Variants in PRPF39 observed in about 807,000 individuals in gnomAD.
PRPF39 encodes the protein pre-mRNA processing factor 39.
A neutral mutation model predicts 82.1 loss-of-function variants in PRPF39; 27 were observed. The observed-to-expected ratio is 0.33, with a 90% CI of 0.24 to 0.45. The LOEUF (loss-of-function observed/expected upper bound fraction) is 0.45, where lower values mean the gene tolerates loss of function less well. PRPF39 is among the 20% of genes least tolerant of loss of function. PRPF39 has a pLI of 1.00. For synonymous variants in PRPF39, 261 were observed against 256.4 expected, an observed-to-expected ratio of 1.02 and a Z score of -0.17; for missense variants, 581 against 796.9, an observed-to-expected ratio of 0.73 and a Z score of 3.26.
chr14:45,108,400 CT>C lies in PRPF39; in HGVS notation c.904-10del. The C allele has an allele frequency of 1.9e-6, 3 of 1,555,368 alleles. No homozygotes were observed. Among genetic ancestry groups the C allele is most frequent in the Non-Finnish European group, 2.6e-6 (3 of 1,159,110 alleles). On this transcript the variant is annotated splice_polypyrimidine_tract_variant and intron_variant, in intron 6 of 13. Transcript: ENST00000355765. ...CAGTTTGTGAGATTTATTTTTTTCC[CT>C]TTTTCTTCCCAAGCTAATTACAGAA...
At position 45,110,158 on chromosome 14, in the gene PRPF39, C is replaced by G; in HGVS notation, c.1241C>G (p.Thr414Ser). Residue 414 changes from threonine to serine, a missense_variant, in exon 9 of 14, where the codon ACT becomes AGT. Transcript: ENST00000355765. This position sits in a 1 kb window ranked among gnomAD's most constrained non-coding sequence, Gnocchi z 4.0. ...AGGCATGTCTTCAGCAGAGCTTGTA[C>G]TATACATCTCCCAAAGAAACCCATG... Reference protein sequence around the residue: ...GVRHVFSRACTIHLPKKPMVH... With the variant: ...GVRHVFSRACSIHLPKKPMVH... The G allele has an allele frequency of 6.2e-7, 1 of 1,613,580 alleles. No homozygotes were observed. Among genetic ancestry groups the G allele is most frequent in the South Asian group, 1.1e-5 (1 of 91,062 alleles).
chr14:45,110,296 A>G lies in PRPF39; in HGVS notation c.1303+76A>G. Reference sequence around the variant, plus strand: ...GGAAACAGTGACAAATTGAGTGGTAAGGGATGGTGTAAAGCAGAGTTTGGC... The same window carrying G: ...GGAAACAGTGACAAATTGAGTGGTAGGGGATGGTGTAAAGCAGAGTTTGGC... On this transcript the variant is annotated intron_variant, in intron 9 of 13. Transcript: ENST00000355765. This position sits in a 1 kb window ranked among gnomAD's most constrained non-coding sequence, Gnocchi z 4.0. The G allele has an allele frequency of 6.4e-6, 10 of 1,571,818 alleles. No homozygotes were observed. The highest frequency in any genetic ancestry group is 8.7e-6 in the Non-Finnish European group (10 of 1,151,228).
intron 5 of PRPF39, among the ~76,000 whole-genome samples, chr14:45,103,119 A>T (rs1345723195): frequency 6.6e-6 from 1 of 152,166 alleles, no homozygotes; most frequent in Admixed American, 6.5e-5. Context: ...TTGCTATAAC[A>T]CCTTATATCC....
At chr14:45,096,748 C>A in intron 3 of PRPF39, 139 bp from the exon 4 acceptor site, 1 of 1,535,450 alleles carries the variant, frequency 6.5e-7, no homozygotes, top group Non-Finnish European at 8.7e-7. Flanking sequence ...TATCCAACCT[C>A]CACCCAAATG....
intron 1 of PRPF39, among the ~76,000 whole-genome samples, chr14:45,092,368 C>T (rs892047216): frequency 3.9e-5 from 6 of 151,928 alleles, no homozygotes; most frequent in South Asian, 4.1e-4. Flanking sequence ...TTTGGGAGGC[C>T]GAGGCAGGCG....
rs1261385773 is a variant in PRPF39 at position 45,090,898 on chromosome 14, CAT to C, written c.-19-4322_-19-4321del. On this transcript the variant is annotated intron_variant, in intron 1 of 13. Coordinates refer to ENST00000355765, the MANE Select transcript of PRPF39 (RefSeq NM_017922.4). ...TTTTTGTCCCCTTCCCCCATCCCCA[CAT>C]GTCCCATTTTTTCCTTTCAAATTTT... is the stretch of plus-strand genomic sequence containing the variant. Among the ~76,000 whole-genome samples the C allele has an allele frequency of 9.2e-5, 14 of 152,292 alleles. No individual in the cohort carries two copies. In the East Asian group the frequency reaches 2.5e-3, roughly 27 times the overall value.
At chr14:45,104,363 A>T (rs1884462066) in intron 5 of PRPF39, among the ~76,000 whole-genome samples, 1 of 152,070 alleles carries the variant, frequency 6.6e-6, no homozygotes, top group Non-Finnish European at 1.5e-5. Context: ...AGTAATCTTT[A>T]TGCAGTTCTT....
chr14:45,086,544 T>A (rs956984654), intron 1 of PRPF39, among the ~76,000 whole-genome samples: 1 of 152,156 alleles, frequency 6.6e-6, no homozygotes, highest in Admixed American at 6.5e-5. Context: ...GGGGAACAGC[T>A]TTTGTCAAGG....
rs1405689505 is a variant in PRPF39 at position 45,116,262 on chromosome 14, A to T, written c.*1349A>T. 6.8e-6 allele frequency: 11 copies of T among 1,610,106 alleles called. No homozygotes were observed. Among genetic ancestry groups the T allele is most frequent in the Admixed American group, 1.7e-5 (1 of 59,968 alleles). On this transcript the variant is annotated 3_prime_UTR_variant, in exon 14 of 14. Coordinates refer to ENST00000355765, the MANE Select transcript of PRPF39 (RefSeq NM_017922.4). ...TGCATTTGGTGGAATTCTGTTGAAG[A>T]AGTCAAGGTACATTTGATAAAAAGT... is the stretch of plus-strand genomic sequence containing the variant.
chr14:45,108,865 CCA>C (rs1425012045), intron 7 of PRPF39, among the ~76,000 whole-genome samples: 3 of 152,130 alleles, frequency 2.0e-5, no homozygotes, highest in East Asian at 1.9e-4. Context: ...AGGTAATTTC[CCA>C]CAGTTTTAAT....
chr14:45,092,951 A>C lies in PRPF39; in HGVS notation c.-19-2270A>C, dbSNP rs528977666. ...CAGTCAACTTATAGCTGGCTTTTTA[A>C]AAAAATAACAAAAAACTTCTCCCCC... On this transcript the variant is annotated intron_variant, in intron 1 of 13. Coordinates refer to ENST00000355765, the MANE Select transcript of PRPF39 (RefSeq NM_017922.4). Among the ~76,000 whole-genome samples the C allele has an allele frequency of 2.6e-5, 4 of 152,310 alleles. No individual in the cohort carries two copies. In the South Asian group the frequency reaches 8.3e-4, roughly 32 times the overall value.
rs1049490210 is a variant in PRPF39 at position 45,101,385 on chromosome 14, A to G, written c.570-1144A>G. On this transcript the variant is annotated intron_variant, in intron 4 of 13. Coordinates refer to ENST00000355765, the MANE Select transcript of PRPF39 (RefSeq NM_017922.4). ...TCTAAAAGCTTTATCCCATTGGAGT[A>G]TTAAATCCAGTGATTAAAATTGCTT... 7.2e-5 allele frequency among the ~76,000 whole-genome samples: 11 copies of G among 152,344 alleles called. No homozygotes were observed. In the East Asian group the frequency reaches 1.7e-3, roughly 24 times the overall value.
At chr14:45,091,217 C>A (rs758775398) in intron 1 of PRPF39, among the ~76,000 whole-genome samples, 7 of 152,146 alleles carry the variant, frequency 4.6e-5, no homozygotes, top group Non-Finnish European at 7.4e-5. Context: ...TAGTTCACTG[C>A]AGCCTTGAAC....
chr14:45,097,986 A>G (rs1184991082), intron 4 of PRPF39, among the ~76,000 whole-genome samples: 1 of 152,190 alleles, frequency 6.6e-6, no homozygotes, highest in Non-Finnish European at 1.5e-5. Context: ...TGTTAGCTGT[A>G]GACATTATGT....
At position 45,114,563 on chromosome 14, in the gene PRPF39, T is replaced by C. The variant is rs1884784348; in HGVS notation, c.1902T>C (p.Asp634=). 2 of 1,608,062 alleles carry C rather than the reference T, an allele frequency of 1.2e-6. No individual in the cohort carries two copies. The highest frequency in any genetic ancestry group is 1.3e-5 in the African/African-American group (1 of 74,626). The change falls in exon 13 of 14, where the codon GAT becomes GAC. Residue 634 remains aspartate (D), a synonymous_variant. Transcript: ENST00000355765. ...CTTCATCATCTACACAGATGATTGA[T>C]GGTGATTTACAGGCAAACCAAGCTG... ...DTTSSSTQMI[D]GDLQANQAVY...
chr14:45,109,876 C>A, intron 8 of PRPF39, 96 bp downstream of exon 8: 1 of 1,516,600 alleles, frequency 6.6e-7, no homozygotes, highest in Non-Finnish European at 8.8e-7. Flanking sequence ...GTTCATATAA[C>A]TATATCTGTT....
intron 5 of PRPF39, among the ~76,000 whole-genome samples, chr14:45,104,756 C>T (rs1884475858): frequency 6.6e-6 from 1 of 152,196 alleles, no homozygotes; most frequent in Non-Finnish European, 1.5e-5. Flanking sequence ...TCTGGTCTAA[C>T]ATCCAGGTCC....
chr14:45,116,168 T>TTA lies in PRPF39; in HGVS notation c.*1255_*1256insTA. On this transcript the variant is annotated 3_prime_UTR_variant, in exon 14 of 14. Coordinates refer to ENST00000355765, the MANE Select transcript of PRPF39 (RefSeq NM_017922.4). Reference sequence around the variant, plus strand: ...CAAGGCCAAGTTTTATCATTGTTGCTAATATCCTTAGAGCTGAAGCACTGC... The same window carrying TTA: ...CAAGGCCAAGTTTTATCATTGTTGCTTAAATATCCTTAGAGCTGAAGCACTGC... 6.5e-7 allele frequency: 1 copy of TTA among 1,527,898 alleles called. No individual in the cohort carries two copies. The highest frequency in any genetic ancestry group is 9.1e-7 in the Non-Finnish European group (1 of 1,103,302). 94.6% of individuals were successfully genotyped at this position (1,527,898 alleles called of 1,614,324 possible).
At chr14:45,088,591 C>T (rs1883918060) in intron 1 of PRPF39, among the ~76,000 whole-genome samples, 1 of 152,136 alleles carries the variant, frequency 6.6e-6, no homozygotes, top group African/African-American at 2.4e-5. Flanking sequence ...TCTTACTATT[C>T]ATGTACATTT....
Sources: allele counts gnomAD v4.1 joint callset (sites outside exome capture counted in the v4.1 genomes callset), GRCh38; gene constraint gnomAD v4.1.1; non-coding constraint Gnocchi (gnomAD v3.1); transcripts MANE v1.5; gene names NCBI Gene and HGNC (gene_info 2026-07-23, HGNC 2026-07-21).